STIM1: variants seen among roughly 807,000 people sequenced by gnomAD.
The protein encoded by STIM1 is stromal interaction molecule 1.
Under a neutral mutation model 74.7 loss-of-function variants are expected in STIM1, and 25 were observed. That is an observed-to-expected ratio of 0.33 (90% CI 0.24 to 0.47). STIM1 has a LOEUF of 0.47. STIM1 is among the 20% of genes least tolerant of loss of function. The probability of loss-of-function intolerance (pLI) is 1.00; values close to 1 mark genes in which losing one functional copy is unlikely to be tolerated. For missense variants in STIM1, 728 were observed against 920.8 expected, an observed-to-expected ratio of 0.79 and a Z score of 2.71; for synonymous variants, 328 against 348.8, an observed-to-expected ratio of 0.94 and a Z score of 0.66.
intron 1 of STIM1, among the ~76,000 whole-genome samples, chr11:3,964,959 C>T (rs1002453293): frequency 6.6e-6 from 1 of 152,084 alleles, no homozygotes; most frequent in African/African-American, 2.4e-5. Context: ...CTCTGGGGCT[C>T]AAGGGAACTC....
At chr11:3,995,862 T>C (rs1340766631) in intron 2 of STIM1, among the ~76,000 whole-genome samples, 1 of 150,264 alleles carries the variant, frequency 6.7e-6, no homozygotes, top group Non-Finnish European at 1.5e-5. Context: ...GATGTGCAGG[T>C]GGCCTGGCTA....
chr11:4,016,306 C>T (rs1195149906), intron 2 of STIM1, among the ~76,000 whole-genome samples: 1 of 152,228 alleles, frequency 6.6e-6, no homozygotes, highest in East Asian at 1.9e-4. Flanking sequence ...ACAGGCCCCT[C>T]AGCTGCATGT....
At chr11:3,976,598 T>C (rs1020523350) in intron 2 of STIM1, among the ~76,000 whole-genome samples, 1 of 152,218 alleles carries the variant, frequency 6.6e-6, no homozygotes, top group African/African-American at 2.4e-5. Context: ...TCAAGCTCAG[T>C]GAATACTCGC....
chr11:3,984,339 C>T (rs2093537520), intron 2 of STIM1, among the ~76,000 whole-genome samples: 1 of 152,160 alleles, frequency 6.6e-6, no homozygotes, highest in Admixed American at 6.6e-5. Flanking sequence ...CATCTTGTCT[C>T]CTACTTCATG....
intron 1 of STIM1, among the ~76,000 whole-genome samples, chr11:3,862,577 C>A (rs969997088): frequency 2.0e-5 from 3 of 152,108 alleles, no homozygotes; most frequent in Non-Finnish European, 2.9e-5. Context: ...GAGCAGGTTC[C>A]TTTAAGTACT....
intron 1 of STIM1, among the ~76,000 whole-genome samples, chr11:3,865,960 G>A (rs2090839312): frequency 6.6e-6 from 1 of 152,208 alleles, no homozygotes; most frequent in African/African-American, 2.4e-5. Flanking sequence ...TGTGTGAGAA[G>A]TCATGCAAGA....
intron 12 of STIM1, among the ~76,000 whole-genome samples, chr11:4,089,413 T>C (rs2094511026): frequency 6.6e-6 from 1 of 152,132 alleles, no homozygotes; most frequent in Admixed American, 6.5e-5. Flanking sequence ...CAGAACTTCC[T>C]TGGCACCTTG....
chr11:3,866,646 T>C (rs1450957226), intron 1 of STIM1, among the ~76,000 whole-genome samples: 2 of 152,060 alleles, frequency 1.3e-5, no homozygotes, highest in Non-Finnish European at 2.9e-5. Context: ...AGGCTGGTCT[T>C]GAACTCCTGA....
intron 3 of STIM1, among the ~76,000 whole-genome samples, chr11:4,024,343 C>A (rs2093981850): frequency 6.6e-6 from 1 of 152,148 alleles, no homozygotes; most frequent in South Asian, 2.1e-4. Flanking sequence ...TCTCTAGCTT[C>A]CCACTTAGTC....
At chr11:4,007,775 G>A (rs1328989685) in intron 2 of STIM1, among the ~76,000 whole-genome samples, 1 of 152,202 alleles carries the variant, frequency 6.6e-6, no homozygotes, top group Non-Finnish European at 1.5e-5. Flanking sequence ...GGGTCAGAGG[G>A]CATTGTAAGT....
In STIM1 at chr11:4,008,634, G is replaced by A. The variant is rs139410990; in HGVS notation, c.271-15239G>A. ...CCAGAGTTTATGCTAGCAGCTCAGG[G>A]TGCAAGGTGGGCACCAACTCTGGAT... is the stretch of plus-strand genomic sequence containing the variant. On this transcript the variant is annotated intron_variant, in intron 2 of 12. Coordinates refer to ENST00000526596, the MANE Select transcript of STIM1 (RefSeq NM_001382567.1). Among the ~76,000 whole-genome samples, 886 of 152,244 alleles carry A rather than the reference G, an allele frequency of 5.8e-3. 5 individuals carry two copies. The highest frequency in any genetic ancestry group is 7.4e-3 in the Non-Finnish European group (503 of 68,010).
intron 7 of STIM1, among the ~76,000 whole-genome samples, chr11:4,077,843 T>G (rs1184750856): frequency 6.6e-6 from 1 of 152,218 alleles, no homozygotes; most frequent in Non-Finnish European, 1.5e-5. Flanking sequence ...CAATGTATTT[T>G]TCAATTCTAG....
intron 3 of STIM1, among the ~76,000 whole-genome samples, chr11:4,024,879 G>A (rs1263412158): frequency 6.6e-6 from 1 of 152,104 alleles, no homozygotes; most frequent in Non-Finnish European, 1.5e-5. Context: ...GGAAAACAGG[G>A]CTTTAGCTTC....
At chr11:4,031,328 G>C (rs1453705690) in intron 3 of STIM1, among the ~76,000 whole-genome samples, 1 of 151,962 alleles carries the variant, frequency 6.6e-6, no homozygotes, top group East Asian at 1.9e-4. Flanking sequence ...TTTAGTTTTT[G>C]GCTATTACAA....
At chr11:3,892,006 T>G (rs28540175) in intron 1 of STIM1, among the ~76,000 whole-genome samples, 7 of 152,262 alleles carry the variant, frequency 4.6e-5, no homozygotes, top group Non-Finnish European at 8.8e-5. Context: ...TGCTGATCCC[T>G]TGTCTAGCAG....
At chr11:3,895,894 C>CT (rs1402023667) in intron 1 of STIM1, among the ~76,000 whole-genome samples, 8 of 116,810 alleles carry the variant, frequency 6.8e-5, no homozygotes, top group South Asian at 2.7e-4. Context: ...TCTTTTCTTT[C>CT]TTTCTTTCTT....
At chr11:4,057,700 C>G (rs1322203120) in intron 4 of STIM1, among the ~76,000 whole-genome samples, 1 of 152,022 alleles carries the variant, frequency 6.6e-6, no homozygotes, top group Non-Finnish European at 1.5e-5. Context: ...GAAACCCCGT[C>G]TCTACTAAAA....
chr11:3,958,449 A>G (rs1157054042), intron 1 of STIM1, among the ~76,000 whole-genome samples: 3 of 152,170 alleles, frequency 2.0e-5, no homozygotes, highest in African/African-American at 7.2e-5. Context: ...GATCTTTTGA[A>G]TTCCTGCCCC....
intron 1 of STIM1, among the ~76,000 whole-genome samples, chr11:3,897,371 C>T (rs4622250): frequency 0.25 from 37,865 of 152,054 alleles, 5,367 homozygotes; most frequent in South Asian, 0.36. Flanking sequence ...AAGCTTATTG[C>T]GATGGAGAAG....
Sources: gnomAD v4.1 joint callset for allele counts (sites outside exome capture counted in the v4.1 genomes callset) on GRCh38, gnomAD v4.1.1 for gene constraint, MANE v1.5 for transcripts, NCBI Gene and HGNC (gene_info 2026-07-23, HGNC 2026-07-21) for gene names.